Variants in OSBPL9 observed in about 807,000 individuals in gnomAD.
OSBPL9 encodes oxysterol-binding protein-related protein 9.
In OSBPL9, 40 loss-of-function variants were observed where a neutral mutation model predicts 106.6. The observed-to-expected ratio is 0.38, with a 90% CI of 0.29 to 0.49. The LOEUF is 0.49. Ranked by LOEUF, OSBPL9 falls within the 20% of genes least tolerant of loss-of-function variation. The probability of loss-of-function intolerance (pLI) is 0.97; values close to 1 mark genes in which losing one functional copy is unlikely to be tolerated. For missense variants in OSBPL9, 609 were observed against 887.2 expected (o/e 0.69, Z 3.98); for synonymous variants, 269 against 295.4 (o/e 0.91, Z 0.92).
At chr1:51,777,059 CACTGG>C in intron 15 of OSBPL9, 141 bp downstream of exon 15, 11 of 643,276 alleles carry the variant, frequency 1.7e-5, no homozygotes, top group Non-Finnish European at 2.7e-5. Context: ...AATGTGTTTA[CACTGG>C]TTGCCTGTTT....
At chr1:51,519,011 G>A in the OSBPL9 span, among the ~76,000 whole-genome samples, 1 of 151,252 alleles carries the variant, frequency 6.6e-6, no homozygotes, top group Non-Finnish European at 1.5e-5. Context: ...GGCGGCCGCA[G>A]GGGGGCTCCG....
chr1:51,700,944 A>T (rs562107817), intron 3 of OSBPL9, among the ~76,000 whole-genome samples: 1 of 145,908 alleles, frequency 6.9e-6, no homozygotes, highest in African/African-American at 2.5e-5. Context: ...ATTCATTGTA[A>T]TTTTTTTTTT....
At position 51,760,782 on chromosome 1, in the gene OSBPL9, T is replaced by C; in HGVS notation, c.673+2T>C. The C allele has an allele frequency of 6.2e-7, 1 of 1,613,614 alleles. No individual in the cohort carries two copies. The highest frequency in any genetic ancestry group is 8.5e-7 in the Non-Finnish European group (1 of 1,179,708). On this transcript the variant is annotated splice_donor_variant, in intron 10 of 23. Coordinates refer to ENST00000428468, the MANE Select transcript of OSBPL9 (RefSeq NM_024586.6). LOFTEE classifies it high-confidence loss of function. The stretch of plus-strand genomic sequence containing the variant: ...CTTCCCAGACTGTGTTACCTCCAGG[T>C]AATTTGGGAAAATGTTTCTTAGATT...
chr1:51,655,908 A>G (rs974122851), intron 2 of OSBPL9, among the ~76,000 whole-genome samples: 1 of 152,258 alleles, frequency 6.6e-6, no homozygotes, highest in Non-Finnish European at 1.5e-5. Context: ...CTCTGTGTGC[A>G]CACACGTGCA....
the OSBPL9 span, among the ~76,000 whole-genome samples, chr1:51,530,177 A>AAAAAAAAAAAAAAAAC: frequency 8.9e-6 from 1 of 111,796 alleles, no homozygotes; most frequent in African/African-American, 4.1e-5. Flanking sequence ...TCTCAAAAAA[A>AAAAAAAAAAAAAAAAC]AAAAAAAAAA....
the OSBPL9 span, among the ~76,000 whole-genome samples, chr1:51,549,511 C>T: frequency 0.02 from 3,094 of 152,306 alleles, 45 homozygotes; most frequent in Middle Eastern, 0.034. Flanking sequence ...GGTCTGACTC[C>T]GTGGCTGTTG....
chr1:51,544,836 G>GTT, the OSBPL9 span, among the ~76,000 whole-genome samples: 1,320 of 126,498 alleles, frequency 0.01, 22 homozygotes, highest in African/African-American at 0.026. Flanking sequence ...TAAGAGACAT[G>GTT]CTTTTTTTTT....
chr1:51,685,881 A>G (rs1653684715), intron 3 of OSBPL9, among the ~76,000 whole-genome samples: 1 of 152,246 alleles, frequency 6.6e-6, no homozygotes, highest in South Asian at 2.1e-4. Context: ...ATTTGGGACC[A>G]TAAGAGAGTT....
At chr1:51,744,985 C>G (rs1667688619) in intron 4 of OSBPL9, 1 of 153,830 alleles carries the variant, frequency 6.5e-6, no homozygotes, top group Non-Finnish European at 1.4e-5. Flanking sequence ...GGTGTTGTTA[C>G]TTTCACTTAG....
chr1:51,744,917 C>T (rs1667667085), intron 4 of OSBPL9, among the ~76,000 whole-genome samples: 2 of 152,144 alleles, frequency 1.3e-5, no homozygotes, highest in African/African-American at 4.8e-5. Context: ...ATCTATACCA[C>T]GTCTAAGTGT....
intron 3 of OSBPL9, among the ~76,000 whole-genome samples, chr1:51,686,418 C>T (rs891397946): frequency 6.6e-6 from 1 of 152,146 alleles, no homozygotes; most frequent in African/African-American, 2.4e-5. Flanking sequence ...ATACTCATGT[C>T]TGTCTCTTTT....
At chr1:51,519,107 T>C in the OSBPL9 span, 3 of 880,328 alleles carry the variant, frequency 3.4e-6, no homozygotes, top group Non-Finnish European at 4.9e-6. Flanking sequence ...AGCTGCCTGC[T>C]TGGCCCACAA....
At chr1:51,605,973 GAAAC>G (rs1427630930) in intron 2 of OSBPL9, among the ~76,000 whole-genome samples, 12 of 145,168 alleles carry the variant, frequency 8.3e-5, no homozygotes, top group African/African-American at 2.9e-4. Context: ...TCAAAAGAAA[GAAAC>G]AAAGAAAGAG....
At chr1:51,587,375 AAAG>A (rs775642144) in intron 1 of OSBPL9, among the ~76,000 whole-genome samples, 18 of 152,156 alleles carry the variant, frequency 1.2e-4, no homozygotes, top group Non-Finnish European at 2.1e-4. Flanking sequence ...AAAATAAAAA[AAAG>A]AAGAAGAAGA....
chr1:51,584,793 G>C (rs538136106), intron 1 of OSBPL9, among the ~76,000 whole-genome samples: 95 of 152,104 alleles, frequency 6.2e-4, no homozygotes, highest in Non-Finnish European at 1.2e-3. Context: ...GTGTTGCTCT[G>C]TAGTCTGGGA....
At chr1:51,650,004 G>A (rs1481979488) in intron 1 of OSBPL9, among the ~76,000 whole-genome samples, 1 of 151,784 alleles carries the variant, frequency 6.6e-6, no homozygotes, top group African/African-American at 2.4e-5. Context: ...AGCCTCCTGA[G>A]AGCTGGGACT....
chr1:51,555,351 A>G, the OSBPL9 span, among the ~76,000 whole-genome samples: 11 of 151,774 alleles, frequency 7.2e-5, no homozygotes, highest in South Asian at 2.3e-3. Flanking sequence ...TTAGCTGGGC[A>G]TGGTGGCACG....
chr1:51,615,007 C>A (rs1241076224), upstream of OSBPL9, among the ~76,000 whole-genome samples: 1 of 152,214 alleles, frequency 6.6e-6, no homozygotes, highest in Non-Finnish European at 1.5e-5. Context: ...CACCTGTAAT[C>A]CCAACACTTT....
chr1:51,763,919 T>G (rs76730493), intron 11 of OSBPL9, among the ~76,000 whole-genome samples: 81 of 152,316 alleles, frequency 5.3e-4, no homozygotes, highest in Middle Eastern at 3.4e-3. Context: ...CAACAGACTT[T>G]GAGAAAGTGA....
Sources: gnomAD v4.1 joint callset for allele counts (sites outside exome capture counted in the v4.1 genomes callset) on GRCh38, gnomAD v4.1.1 for gene constraint, MANE v1.5 for transcripts, NCBI Gene and HGNC (gene_info 2026-07-23, HGNC 2026-07-21) for gene names.